PROSER1: variants seen among roughly 807,000 people sequenced by gnomAD.
PROSER1 encodes proline and serine-rich protein 1.
In PROSER1, 36 loss-of-function variants were observed where a neutral mutation model predicts 71.8. The observed-to-expected ratio is 0.50, with a 90% CI of 0.38 to 0.66. The LOEUF (loss-of-function observed/expected upper bound fraction) is 0.66. Among genes scored for constraint, PROSER1 ranks in the 30% least tolerant of loss-of-function variants. PROSER1 has a pLI of 0.00. For synonymous variants in PROSER1, 490 were observed against 452.4 expected, an observed-to-expected ratio of 1.08 and a Z score of -1.06; for missense variants, 1,107 against 1,135.0, an observed-to-expected ratio of 0.98 and a Z score of 0.35.
Position 39,010,137 on chromosome 13 carries a change from A to G in PROSER1, c.*1228T>C, listed in dbSNP as rs1436825797. On this transcript the variant is annotated 3_prime_UTR_variant, in exon 13 of 13. Transcript: ENST00000352251. ...TAGAAAGCCTATCCAAGCACTTAGTAAAACACAGAATATTTGTCATATCCA... is the reference window on the plus strand; with the variant it reads ...TAGAAAGCCTATCCAAGCACTTAGTGAAACACAGAATATTTGTCATATCCA... 1.3e-5 allele frequency: 2 copies of G among 151,352 alleles called. No individual in the cohort carries two copies. The highest frequency in any genetic ancestry group is 2.1e-4 in the South Asian group (1 of 4,730). The allele number at this position is 151,352 out of a possible 1,614,324, so 9.4% of individuals were successfully genotyped here. A position where few individuals can be genotyped will look rare whatever the true frequency, so the allele number is the denominator to read the frequency against.
chr13:39,017,697 A>C lies in PROSER1; in HGVS notation c.731-153T>G, dbSNP rs535057018. 9 of 553,114 alleles carry C rather than the reference A, an allele frequency of 1.6e-5. No individual in the cohort carries two copies. The African/African-American group carries it at 1.7e-4, about 11-fold the overall frequency. 34.3% of individuals were successfully genotyped at this position (553,114 alleles called of 1,614,324 possible). On this transcript the variant is annotated intron_variant, in intron 9 of 12. Transcript: ENST00000352251. ...GTACACATATGGGAAAATAAATAAAAATAGTAGTAACTCTACTATTATTAC... is the reference window on the plus strand; with the variant it reads ...GTACACATATGGGAAAATAAATAAACATAGTAGTAACTCTACTATTATTAC...
chr13:39,018,379 C>T (rs1353278133), intron 9 of PROSER1, among the ~76,000 whole-genome samples: 1 of 151,866 alleles, frequency 6.6e-6, no homozygotes, highest in Non-Finnish European at 1.5e-5. Flanking sequence ...AAAACCACAG[C>T]TTGTTTGAGG....
At chr13:39,024,705 G>A in intron 6 of PROSER1, 149 bp from the exon 7 acceptor site, 1 of 613,344 alleles carries the variant, frequency 1.6e-6, no homozygotes, top group Non-Finnish European at 2.8e-6. Flanking sequence ...TGCACTGGCT[G>A]GCGGCATGAC....
intron 9 of PROSER1, among the ~76,000 whole-genome samples, chr13:39,021,011 T>A (rs552417172): frequency 6.6e-6 from 1 of 152,312 alleles, no homozygotes; most frequent in South Asian, 2.1e-4. Flanking sequence ...ATAGTTCTTT[T>A]TCCCATAACT....
chr13:39,011,131 CCAAA>C lies in PROSER1; in HGVS notation c.*230_*233del. On this transcript the variant is annotated 3_prime_UTR_variant, in exon 13 of 13. Transcript: ENST00000352251. ...ATTTTATAGGACAGGTGAAAAGTCT[CCAAA>C]CACTTTTTAAATACCATTCTCCATA... 6 of 461,344 alleles carry C rather than the reference CCAAA, an allele frequency of 1.3e-5. No homozygotes were observed. Among genetic ancestry groups the C allele is most frequent in the Admixed American group, 3.7e-5 (1 of 27,134 alleles). The allele number at this position is 461,344 out of a possible 1,614,324, so 28.6% of individuals were successfully genotyped here.
chr13:39,020,386 CTGT>C (rs1248117158), intron 9 of PROSER1, among the ~76,000 whole-genome samples: 2 of 151,922 alleles, frequency 1.3e-5, no homozygotes, highest in Non-Finnish European at 2.9e-5. Flanking sequence ...ACACACACCC[CTGT>C]TGTTTTAAGT....
In PROSER1 at chr13:39,014,414, C is replaced by T. The variant is rs935641333; in HGVS notation, c.838G>A (p.Ala280Thr). ...GGGGATGCAGTAGGAACAGGAGTTGCAGCAGGTGTTGAAGGATTAGAACCA... is the reference window on the plus strand; with the variant it reads ...GGGGATGCAGTAGGAACAGGAGTTGTAGCAGGTGTTGAAGGATTAGAACCA... ...PHGSNPSTPAATPVPTASPVK... is the reference protein window; with the variant it reads ...PHGSNPSTPATTPVPTASPVK... Residue 280 changes from alanine to threonine, a missense_variant, in exon 11 of 13, where the codon GCA becomes ACA. Transcript: ENST00000352251. 1.4e-5 allele frequency: 23 copies of T among 1,613,802 alleles called. No individual in the cohort carries two copies. Among genetic ancestry groups the T allele is most frequent in the Non-Finnish European group, 1.9e-5 (22 of 1,179,998 alleles).
chr13:39,018,373 C>T (rs1870105536), intron 9 of PROSER1, among the ~76,000 whole-genome samples: 1 of 151,796 alleles, frequency 6.6e-6, no homozygotes, highest in Non-Finnish European at 1.5e-5. Context: ...CAAAGAAAAA[C>T]CACAGCTTGT....
At chr13:39,024,117 T>C (rs750859832) in intron 7 of PROSER1, among the ~76,000 whole-genome samples, 2 of 152,184 alleles carry the variant, frequency 1.3e-5, no homozygotes, top group Non-Finnish European at 2.9e-5. Flanking sequence ...ATCTTGTAAA[T>C]ACTTTCAACC....
In PROSER1 at chr13:39,015,489, A is replaced by C. The variant is rs190505518; in HGVS notation, c.776-1013T>G. 5.9e-5 allele frequency among the ~76,000 whole-genome samples: 9 copies of C among 152,326 alleles called. No individual in the cohort carries two copies. In the East Asian group the frequency reaches 1.5e-3, roughly 26 times the overall value. Reference sequence around the variant, plus strand: ...AACCAACTGAGAAATATTTTCATGGACTAACACATTTTACAATTTATGTAT... The same window carrying C: ...AACCAACTGAGAAATATTTTCATGGCCTAACACATTTTACAATTTATGTAT... On this transcript the variant is annotated intron_variant, in intron 10 of 12. Coordinates refer to ENST00000352251, the MANE Select transcript of PROSER1 (RefSeq NM_025138.5).
intron 3 of PROSER1, among the ~76,000 whole-genome samples, chr13:39,030,052 A>G (rs1009241645): frequency 2.0e-5 from 3 of 152,238 alleles, no homozygotes; most frequent in African/African-American, 7.2e-5. Context: ...CATCAACATA[A>G]GTAAGACTGG....
chr13:39,036,581 C>G (rs1038964747), intron 1 of PROSER1, among the ~76,000 whole-genome samples: 5 of 151,616 alleles, frequency 3.3e-5, no homozygotes, highest in Admixed American at 2.0e-4. Flanking sequence ...TTGTTGCTGT[C>G]TGGTTCACTC....
chr13:39,031,330 T>G (rs1870832631), intron 3 of PROSER1, among the ~76,000 whole-genome samples: 1 of 152,240 alleles, frequency 6.6e-6, no homozygotes, highest in South Asian at 2.1e-4. Context: ...TATATTTTGC[T>G]TGCTGGTGAA....
chr13:39,028,969 A>T (rs956055820), intron 4 of PROSER1: 32 of 187,614 alleles, frequency 1.7e-4, no homozygotes, highest in Admixed American at 2.5e-4. Context: ...AAAAAAAAAA[A>T]ATTATTGTGT....
chr13:39,016,902 T>C (rs78469416), intron 10 of PROSER1, among the ~76,000 whole-genome samples: 1,787 of 152,288 alleles, frequency 0.012, 12 homozygotes, highest in Non-Finnish European at 0.018. Flanking sequence ...CAAGAACTGA[T>C]GTAGTTTTGT....
chr13:39,013,689 T>A lies in PROSER1; in HGVS notation c.1563A>T (p.Pro521=). The A allele has an allele frequency of 6.2e-7, 1 of 1,614,130 alleles. No individual in the cohort carries two copies. Among genetic ancestry groups the A allele is most frequent in the Non-Finnish European group, 8.5e-7 (1 of 1,180,006 alleles). ...TCCTCTGTGGGGTAGGGATGGCTGA[T>A]GGGGCATAGCACTTGTTAGGGGCTG... ...SASAPNKCYA[P]SAIPTPQRTS... Residue 521 remains proline, a synonymous_variant, in exon 11 of 13, where the codon CCA becomes CCT. Transcript: ENST00000352251.
At chr13:39,023,736 A>C (rs1305058656) in intron 7 of PROSER1, 1 of 152,438 alleles carries the variant, frequency 6.6e-6, no homozygotes, top group East Asian at 1.9e-4. Context: ...GAGCTTACCT[A>C]AGTAACAAAA....
At chr13:39,016,948 GATC>G (rs1870034453) in intron 10 of PROSER1, among the ~76,000 whole-genome samples, 1 of 152,206 alleles carries the variant, frequency 6.6e-6, no homozygotes, top group Non-Finnish European at 1.5e-5. Flanking sequence ...TGACCACACA[GATC>G]ATCACCTAGG....
rs144215543 is a variant in PROSER1, at chr13:39,012,243, T to A, written c.2562-10A>T. 4.3e-6 allele frequency: 7 copies of A among 1,612,586 alleles called. No homozygotes were observed. Among genetic ancestry groups the A allele is most frequent in the Non-Finnish European group, 5.9e-6 (7 of 1,179,590 alleles). On this transcript the variant is annotated splice_polypyrimidine_tract_variant and intron_variant, in intron 11 of 12. Transcript: ENST00000352251. ...AAGTCCAGATGATAAACTAAAACAATTGACAGAAAAACAAGTTAACTGCAG... is the reference window on the plus strand; with the variant it reads ...AAGTCCAGATGATAAACTAAAACAAATGACAGAAAAACAAGTTAACTGCAG...
Sources: gnomAD v4.1 joint callset for allele counts (sites outside exome capture counted in the v4.1 genomes callset) on GRCh38, gnomAD v4.1.1 for gene constraint, MANE v1.5 for transcripts, NCBI Gene and HGNC (gene_info 2026-07-23, HGNC 2026-07-21) for gene names.